EGFR: variants seen among roughly 807,000 people sequenced by gnomAD.
The protein encoded by EGFR is epidermal growth factor receptor.
In EGFR, 58 loss-of-function variants were observed where a neutral mutation model predicts 143.0. The observed-to-expected ratio is 0.41, with a 90% CI of 0.33 to 0.50. The LOEUF (loss-of-function observed/expected upper bound fraction) is 0.50, where lower values mean the gene tolerates loss of function less well. Among genes scored for constraint, EGFR ranks in the 20% least tolerant of loss-of-function variants. The probability of loss-of-function intolerance (pLI) is 0.39; values close to 1 mark genes in which losing one functional copy is unlikely to be tolerated. For missense variants in EGFR, 1,307 were observed against 1,579.0 expected (o/e 0.83, Z 2.92); for synonymous variants, 613 against 594.4 (o/e 1.03, Z -0.45).
rs147707964 is a variant in EGFR, at chr7:55,086,673, G to A, written c.89-55613G>A. Among the ~76,000 whole-genome samples the A allele has an allele frequency of 2.1e-3, 325 of 152,342 alleles. 1 individual carries two copies. The highest frequency in any genetic ancestry group is 3.0e-3 in the Non-Finnish European group (204 of 68,032). ...GCCCTCCAGAGGCAGAGGTGGCCAC[G>A]CTTAGGTCGCTCCCGCTGTGGAGGC... On this transcript the variant is annotated intron_variant, in intron 1 of 27. Coordinates refer to ENST00000275493, the MANE Select transcript of EGFR (RefSeq NM_005228.5).
chr7:55,077,054 C>T (rs17289239), intron 1 of EGFR, among the ~76,000 whole-genome samples: 1 of 151,948 alleles, frequency 6.6e-6, no homozygotes. Flanking sequence ...TATGTGAGTA[C>T]AACTATTGAA....
chr7:55,027,165 T>C lies in EGFR; in HGVS notation c.88+7800T>C, dbSNP rs1296211661. ...GTCCTCTGAGGACCGACTTACCTTT[T>C]GGAAGGGCTGAGAAAGAGAGACACA... On this transcript the variant is annotated intron_variant, in intron 1 of 27. Coordinates refer to ENST00000275493, the MANE Select transcript of EGFR (RefSeq NM_005228.5). Among the ~76,000 whole-genome samples the C allele has an allele frequency of 2.6e-5, 4 of 152,164 alleles. No individual in the cohort carries two copies. In the East Asian group the frequency reaches 7.7e-4, roughly 29 times the overall value.
chr7:55,187,298 G>GATGCTATCTAAGTCA (rs1319412614), intron 20 of EGFR, among the ~76,000 whole-genome samples: 1 of 69,444 alleles, frequency 1.4e-5, no homozygotes, highest in Non-Finnish European at 3.4e-5. Context: ...ACTCTCCATG[G>GATGCTATCTAAGTCA]GTGCTATCTC....
intron 1 of EGFR, among the ~76,000 whole-genome samples, chr7:55,074,051 G>A (rs974983962): frequency 5.3e-5 from 8 of 152,244 alleles, no homozygotes; most frequent in African/African-American, 7.2e-5. Context: ...ACAGCCTGAC[G>A]TTGTCAGGGG....
In EGFR at chr7:55,163,646, A is replaced by G. The variant is rs151327043; in HGVS notation, c.1632-87A>G. 118 of 1,159,666 alleles carry G rather than the reference A, an allele frequency of 1.0e-4. No homozygotes were observed. The African/African-American group carries it at 1.6e-3, about 16-fold the overall frequency. 71.8% of individuals were successfully genotyped at this position (1,159,666 alleles called of 1,614,324 possible). A position where few individuals can be genotyped will look rare whatever the true frequency, so the allele number is the denominator to read the frequency against. On this transcript the variant is annotated intron_variant, in intron 13 of 27. Transcript: ENST00000275493. ...TCCCAACTCCTTGACCATTACCTCA[A>G]GTTATTTGGAATTTTGAAGAGGTGA...
At chr7:55,109,878 C>T in intron 1 of EGFR, 1 of 985,592 alleles carries the variant, frequency 1.0e-6, no homozygotes, top group Non-Finnish European at 1.2e-6. Context: ...GAGCTCTGGG[C>T]TGCTGGCTGG....
In EGFR at chr7:55,205,899, A is replaced by G. The variant is rs1788090717; in HGVS notation, c.*282A>G. 1.1e-5 allele frequency: 2 copies of G among 182,768 alleles called. No homozygotes were observed. The highest frequency in any genetic ancestry group is 6.6e-5 in the East Asian group (1 of 15,082). The allele number at this position is 182,768 out of a possible 1,614,324, so 11.3% of individuals were successfully genotyped here. ...TTTATCTTTCAAAGAGGTATATTTGAAAAAAAAAAAAAGTATATGTGAGGA... is the reference window on the plus strand; with the variant it reads ...TTTATCTTTCAAAGAGGTATATTTGGAAAAAAAAAAAAGTATATGTGAGGA... On this transcript the variant is annotated 3_prime_UTR_variant, in exon 28 of 28. Transcript: ENST00000275493.
chr7:55,025,652 G>C (rs6979621), intron 1 of EGFR, among the ~76,000 whole-genome samples: 1 of 152,160 alleles, frequency 6.6e-6, no homozygotes, highest in African/African-American at 2.4e-5. Context: ...ACATATTTCC[G>C]TGTCAGTTAC....
chr7:55,036,071 TG>T (rs1787547318), intron 1 of EGFR, among the ~76,000 whole-genome samples: 1 of 152,086 alleles, frequency 6.6e-6, no homozygotes, highest in Non-Finnish European at 1.5e-5. Context: ...GAAATGTTTT[TG>T]GTCTTTAAGG....
chr7:55,100,855 A>G (rs1791771315), intron 1 of EGFR, among the ~76,000 whole-genome samples: 1 of 152,260 alleles, frequency 6.6e-6, no homozygotes, highest in South Asian at 2.1e-4. Context: ...GATGACAGGG[A>G]ACTTGCCACT....
At chr7:55,173,194 C>T (rs960595492) in intron 17 of EGFR, 70 bp downstream of exon 17, 30 of 1,589,530 alleles carry the variant, frequency 1.9e-5, no homozygotes, top group East Asian at 1.6e-4. Context: ...GCCCCGAGAA[C>T]GGGCCATTAG....
In EGFR at chr7:55,191,796, G is replaced by A. The variant is rs1433831615; in HGVS notation, c.2547G>A (p.Gln849=). ...AARNVLVKTP[Q]HVKITDFGLA... is the part of the protein sequence containing the mutation. ...GGAACGTACTGGTGAAAACACCGCA[G>A]CATGTCAAGATCACAGATTTTGGGC... Residue 849 remains glutamine, a synonymous_variant, in exon 21 of 28, where the codon CAG becomes CAA. Transcript: ENST00000275493. 1 of 1,614,128 alleles carries A rather than the reference G, an allele frequency of 6.2e-7. No individual in the cohort carries two copies. The highest frequency in any genetic ancestry group is 2.2e-5 in the East Asian group (1 of 44,862).
Position 55,083,899 on chromosome 7 carries a change from A to T in EGFR, c.89-58387A>T, listed in dbSNP as rs527446621. On this transcript the variant is annotated intron_variant, in intron 1 of 27. Transcript: ENST00000275493. Reference sequence around the variant, plus strand: ...TGCCTCAGGTTTTTGGAATACAAGAAATCAAGAGGAAGGGATTAGAACATA... The same window carrying T: ...TGCCTCAGGTTTTTGGAATACAAGATATCAAGAGGAAGGGATTAGAACATA... Among the ~76,000 whole-genome samples the T allele has an allele frequency of 5.8e-4, 89 of 152,348 alleles. 1 individual carries two copies. The South Asian group carries it at 0.013, about 22-fold the overall frequency.
intron 1 of EGFR, among the ~76,000 whole-genome samples, chr7:55,072,288 G>A (rs1268399561): frequency 6.6e-6 from 1 of 152,192 alleles, no homozygotes; most frequent in Non-Finnish European, 1.5e-5. Flanking sequence ...GCCTACTCAA[G>A]GTGGATTTTA....
At chr7:55,099,437 C>T (rs749467457) in intron 1 of EGFR, among the ~76,000 whole-genome samples, 3 of 152,166 alleles carry the variant, frequency 2.0e-5, no homozygotes, top group Non-Finnish European at 2.9e-5. Context: ...TGGTGCAAGC[C>T]CTGATGAGGA....
chr7:55,048,603 G>A (rs1199418399), intron 1 of EGFR, among the ~76,000 whole-genome samples: 3 of 152,226 alleles, frequency 2.0e-5, no homozygotes, highest in African/African-American at 7.2e-5. Flanking sequence ...AACTGAGGTT[G>A]TGTCTCTCCC....
intron 1 of EGFR, among the ~76,000 whole-genome samples, chr7:55,122,677 C>T (rs1339535502): frequency 6.6e-6 from 1 of 152,230 alleles, no homozygotes; most frequent in East Asian, 1.9e-4. Flanking sequence ...CTGCCTACCT[C>T]CAAGCCATCC....
chr7:55,163,661 T>G lies in EGFR; in HGVS notation c.1632-72T>G. ...CATTACCTCAAGTTATTTGGAATTT[T>G]GAAGAGGTGATTTGTGTTCCTGCAA... On this transcript the variant is annotated intron_variant, in intron 13 of 27. Transcript: ENST00000275493. The G allele has an allele frequency of 3.0e-6, 4 of 1,325,176 alleles. No homozygotes were observed. In the South Asian group the frequency reaches 4.7e-5, roughly 16 times the overall value. 82.1% of individuals were successfully genotyped at this position (1,325,176 alleles called of 1,614,324 possible).
chr7:55,093,707 C>G (rs1405065335), intron 1 of EGFR, among the ~76,000 whole-genome samples: 1 of 152,160 alleles, frequency 6.6e-6, no homozygotes, highest in Non-Finnish European at 1.5e-5. Flanking sequence ...TTGATGGAAA[C>G]TTTTAGCTGG....
Sources: allele counts gnomAD v4.1 joint callset (sites outside exome capture counted in the v4.1 genomes callset), GRCh38; gene constraint gnomAD v4.1.1; transcripts MANE v1.5; gene names NCBI Gene and HGNC (gene_info 2026-07-23, HGNC 2026-07-21).